LRRFIP1: variants seen among roughly 807,000 people sequenced by gnomAD.
The protein encoded by LRRFIP1 is leucine-rich repeat flightless-interacting protein 1.
LRRFIP1 carries 62 observed loss-of-function variants against 104.4 expected under a neutral mutation model. That is an observed-to-expected ratio of 0.59 (90% confidence interval 0.48 to 0.73). LRRFIP1 has a LOEUF of 0.73. LRRFIP1 is among the 30% of genes least tolerant of loss of function. The probability of loss-of-function intolerance (pLI) is 0.00; values close to 1 mark genes in which losing one functional copy is unlikely to be tolerated. For missense variants in LRRFIP1, 796 were observed against 824.5 expected (o/e 0.97, Z 0.42); for synonymous variants, 300 against 299.0 (o/e 1.00, Z -0.03).
At chr2:237,763,870 G>A in intron 19 of LRRFIP1, 1 of 1,614,238 alleles carries the variant, frequency 6.2e-7, no homozygotes, top group South Asian at 1.1e-5. Flanking sequence ...CAGAACCAAA[G>A]AGCGAAGACG....
intron 8 of LRRFIP1, among the ~76,000 whole-genome samples, chr2:237,732,534 G>A (rs1254371102): frequency 6.6e-6 from 1 of 152,224 alleles, no homozygotes; most frequent in East Asian, 1.9e-4. Flanking sequence ...GCAAAGCTTA[G>A]CAACTGTTTT....
intron 8 of LRRFIP1, among the ~76,000 whole-genome samples, chr2:237,730,561 G>A (rs2094954462): frequency 1.3e-5 from 2 of 152,160 alleles, no homozygotes; most frequent in Admixed American, 6.5e-5. Context: ...GTGAACAGAT[G>A]AGTAGATAGA....
chr2:237,748,784 G>C (rs902337415), intron 12 of LRRFIP1, among the ~76,000 whole-genome samples: 5 of 152,158 alleles, frequency 3.3e-5, no homozygotes, highest in Non-Finnish European at 5.9e-5. Flanking sequence ...TGCAGTTTTG[G>C]TTTTGTCTGA....
rs56050636 is a variant in LRRFIP1, at chr2:237,752,189, G to A, written c.867+918G>A. Among the ~76,000 whole-genome samples, 86 of 152,176 alleles carry A rather than the reference G, an allele frequency of 5.7e-4. 1 individual carries two copies. Among genetic ancestry groups the A allele is most frequent in the Admixed American group, 2.2e-3 (34 of 15,278 alleles). On this transcript the variant is annotated intron_variant, in intron 14 of 23. Coordinates refer to ENST00000308482, the MANE Select transcript of LRRFIP1 (RefSeq NM_001137550.2). ...GGGAGGCCGAGGTGGGTGGATCACC[G>A]GAGGTCAGGAGTTTGAGACCAGCCT...
chr2:237,635,547 C>T (rs905643673), intron 1 of LRRFIP1, among the ~76,000 whole-genome samples: 3 of 152,150 alleles, frequency 2.0e-5, no homozygotes, highest in African/African-American at 4.8e-5. Context: ...AGGAGCCAGG[C>T]ATTATGGCTC....
At chr2:237,660,803 A>G (rs554257647) in intron 1 of LRRFIP1, among the ~76,000 whole-genome samples, 6 of 152,236 alleles carry the variant, frequency 3.9e-5, no homozygotes, top group Non-Finnish European at 8.8e-5. Flanking sequence ...ACACAAGTTC[A>G]GTGAAAAAAG....
In LRRFIP1 at chr2:237,669,685, G is replaced by C. The variant is rs369467584; in HGVS notation, c.97-38859G>C. Among the ~76,000 whole-genome samples, 25 of 152,268 alleles carry C rather than the reference G, an allele frequency of 1.6e-4. No homozygotes were observed. In the East Asian group the frequency reaches 2.9e-3, roughly 18 times the overall value. On this transcript the variant is annotated intron_variant, in intron 1 of 23. Coordinates refer to ENST00000308482, the MANE Select transcript of LRRFIP1 (RefSeq NM_001137550.2). ...GTCACGGTTTGTTGAGCAGAGGAGT[G>C]AGTGCTAAAAGCTGGAGTTCAGCAG...
chr2:237,656,821 A>C (rs910311027), intron 1 of LRRFIP1, among the ~76,000 whole-genome samples: 2 of 152,256 alleles, frequency 1.3e-5, no homozygotes, highest in African/African-American at 2.4e-5. Context: ...TACTTTTTAA[A>C]CATTTGTAAG....
chr2:237,721,324 C>T (rs10195925), intron 6 of LRRFIP1: 2,691 of 155,984 alleles, frequency 0.017, 83 homozygotes, highest in African/African-American at 0.06. Flanking sequence ...CTGCCTTCAG[C>T]CGCTTTTCCT....
At chr2:237,747,799 GGTAAC>G (rs2058072362) in intron 11 of LRRFIP1, among the ~76,000 whole-genome samples, 1 of 151,936 alleles carries the variant, frequency 6.6e-6, no homozygotes, top group Admixed American at 6.6e-5. Flanking sequence ...ACTCAACCTT[GGTAAC>G]CTTCTCAGTG....
At chr2:237,634,111 G>A (rs1157445994) in intron 1 of LRRFIP1, among the ~76,000 whole-genome samples, 1 of 152,140 alleles carries the variant, frequency 6.6e-6, no homozygotes, top group African/African-American at 2.4e-5. Context: ...GTCAGATCAT[G>A]CCACTTCTCT....
At chr2:237,751,336 A>C in intron 14 of LRRFIP1, 65 bp downstream of exon 14, 3 of 1,267,098 alleles carry the variant, frequency 2.4e-6, no homozygotes, top group South Asian at 1.4e-5. Context: ...AAAAAACAAC[A>C]TCCTAAAGAA....
intron 19 of LRRFIP1, chr2:237,764,165 G>C (rs763012854): frequency 1.9e-6 from 3 of 1,613,874 alleles, no homozygotes; most frequent in Non-Finnish European, 1.7e-6. Context: ...CAGGCGCGGT[G>C]CACAGGAAGT....
chr2:237,709,434 T>C (rs2093968387), intron 2 of LRRFIP1, among the ~76,000 whole-genome samples: 1 of 152,196 alleles, frequency 6.6e-6, no homozygotes, highest in Non-Finnish European at 1.5e-5. Flanking sequence ...TTTATTTTGT[T>C]AGACAGAAGT....
rs770027068 is a variant in LRRFIP1 at position 237,646,717 on chromosome 2, A to G, written c.96+18977A>G. 3.8e-4 allele frequency among the ~76,000 whole-genome samples: 57 copies of G among 151,848 alleles called. 1 individual carries two copies. Among genetic ancestry groups the G allele is most frequent in the Admixed American group, 6.6e-5 (1 of 15,262 alleles). On this transcript the variant is annotated intron_variant, in intron 1 of 23. Transcript: ENST00000308482. The stretch of plus-strand genomic sequence containing the variant: ...GAGCTCACTCTGCCTCCGCATGCAC[A>G]CACAGTGTGGGCCGTGTGTGCACAC...
At chr2:237,709,505 CA>C (rs2093971887) in intron 2 of LRRFIP1, among the ~76,000 whole-genome samples, 1 of 152,182 alleles carries the variant, frequency 6.6e-6, no homozygotes, top group Admixed American at 6.5e-5. Flanking sequence ...CTTACATAGC[CA>C]AATTTAAAAA....
chr2:237,664,326 C>T (rs2088758571), intron 1 of LRRFIP1, among the ~76,000 whole-genome samples: 1 of 152,254 alleles, frequency 6.6e-6, no homozygotes, highest in Non-Finnish European at 1.5e-5. Context: ...GTGCGCCTGC[C>T]GCCTGGCCTG....
intron 19 of LRRFIP1, chr2:237,762,462 G>C (rs1207529031): frequency 1.4e-6 from 1 of 735,232 alleles, no homozygotes; most frequent in African/African-American, 1.8e-5. Flanking sequence ...AACTGGCAAA[G>C]GCTTGTTTCT....
rs775445758 is a variant in LRRFIP1, at chr2:237,764,055, C to A, written c.1459+3850C>A. 2.4e-5 allele frequency: 38 copies of A among 1,614,066 alleles called. No individual in the cohort carries two copies. In the South Asian group the frequency reaches 4.1e-4, roughly 17 times the overall value. On this transcript the variant is annotated intron_variant, in intron 19 of 23. Coordinates refer to ENST00000308482, the MANE Select transcript of LRRFIP1 (RefSeq NM_001137550.2). ...GACTTGTCGGCACCAGGAAGAGAGC[C>A]AGGGCACTTCAATCCAGAAAGCAGA...
Sources: gnomAD v4.1 joint callset for allele counts (sites outside exome capture counted in the v4.1 genomes callset) on GRCh38, gnomAD v4.1.1 for gene constraint, MANE v1.5 for transcripts, NCBI Gene and HGNC (gene_info 2026-07-23, HGNC 2026-07-21) for gene names.